Variants in MALRD1 observed in about 807,000 individuals in gnomAD.
MALRD1 encodes the protein MAM and LDL-receptor class A domain-containing protein 1.
Under a neutral mutation model 242.1 loss-of-function variants are expected in MALRD1, and 247 were observed. The ratio of observed to expected loss-of-function variants is 1.02; its 90% CI spans 0.92 to 1.13. MALRD1 has a LOEUF of 1.13. MALRD1 is among the 50% of genes most tolerant of loss of function. MALRD1 has a pLI of 0.00. For missense variants in MALRD1, 2,989 were observed against 2,533.1 expected (o/e 1.18, Z -3.86); for synonymous variants, 995 against 866.6 (o/e 1.15, Z -2.60).
intron 29 of MALRD1, among the ~76,000 whole-genome samples, chr10:19,450,817 T>G (rs1357859912): frequency 6.6e-6 from 1 of 152,170 alleles, no homozygotes; most frequent in Admixed American, 6.5e-5. Context: ...TGCTGGTTAA[T>G]AGATGGCACC....
intron 33 of MALRD1, among the ~76,000 whole-genome samples, chr10:19,579,038 C>T (rs1376508812): frequency 2.0e-5 from 3 of 152,132 alleles, no homozygotes; most frequent in Non-Finnish European, 4.4e-5. Flanking sequence ...AATAATGATA[C>T]AGTCGTATAC....
chr10:19,171,859 TATAC>T (rs1392098271), intron 13 of MALRD1, among the ~76,000 whole-genome samples: 1 of 144,872 alleles, frequency 6.9e-6, no homozygotes, highest in Non-Finnish European at 1.5e-5. Context: ...CATACATATA[TATAC>T]ATATATACAC....
intron 31 of MALRD1, among the ~76,000 whole-genome samples, chr10:19,501,210 G>T (rs1589162520): frequency 6.6e-6 from 1 of 152,074 alleles, no homozygotes; most frequent in Non-Finnish European, 1.5e-5. Flanking sequence ...TTTTTGGAAG[G>T]TGTCTCAACC....
chr10:19,696,628 C>T (rs1478551621), intron 38 of MALRD1, among the ~76,000 whole-genome samples: 1 of 151,992 alleles, frequency 6.6e-6, no homozygotes, highest in Non-Finnish European at 1.5e-5. Context: ...TATCTTGGTC[C>T]AGGCACAGTG....
intron 36 of MALRD1, 145 bp downstream of exon 36, chr10:19,616,068 G>A: frequency 1.8e-6 from 1 of 562,356 alleles, no homozygotes; most frequent in South Asian, 2.8e-5. Context: ...ACATTTATCT[G>A]TCTGAATAAG....
intron 32 of MALRD1, among the ~76,000 whole-genome samples, chr10:19,544,865 A>G (rs983189501): frequency 6.6e-6 from 1 of 152,204 alleles, no homozygotes; most frequent in Admixed American, 6.5e-5. Flanking sequence ...TGATGATAAT[A>G]TCAAGCAGTG....
Position 19,527,749 on chromosome 10 carries a change from C to T in MALRD1, c.5321-3445C>T, listed in dbSNP as rs1171352161. Reference sequence around the variant, plus strand: ...ATAGGATGAATATATTCCATACTTTCAATTAAGCCTTACTGTACATGAAAA... The same window carrying T: ...ATAGGATGAATATATTCCATACTTTTAATTAAGCCTTACTGTACATGAAAA... On this transcript the variant is annotated intron_variant, in intron 31 of 39. Coordinates refer to ENST00000454679, the MANE Select transcript of MALRD1 (RefSeq NM_001142308.3). Among the ~76,000 whole-genome samples, 7 of 152,118 alleles carry T rather than the reference C, an allele frequency of 4.6e-5. No individual in the cohort carries two copies. In the East Asian group the frequency reaches 1.3e-3, roughly 29 times the overall value.
chr10:19,305,512 C>T (rs953739628), intron 21 of MALRD1, among the ~76,000 whole-genome samples: 9 of 151,234 alleles, frequency 6.0e-5, no homozygotes, highest in African/African-American at 1.9e-4. Context: ...AAAAGTATTG[C>T]AAGTTTTCAA....
chr10:19,384,675 A>G (rs989080454), intron 26 of MALRD1, among the ~76,000 whole-genome samples: 9 of 136,416 alleles, frequency 6.6e-5, no homozygotes, highest in African/African-American at 2.4e-4. Context: ...TATATATTAT[A>G]TAATATATAG....
chr10:19,276,316 A>C (rs114155677), intron 19 of MALRD1, among the ~76,000 whole-genome samples: 13,101 of 151,950 alleles, frequency 0.086, 728 homozygotes, highest in Middle Eastern at 0.13. Context: ...ATATATTTTC[A>C]GTAAAATTAT....
chr10:19,500,215 T>A (rs1340390818), intron 31 of MALRD1, among the ~76,000 whole-genome samples: 2 of 152,212 alleles, frequency 1.3e-5, no homozygotes, highest in East Asian at 1.9e-4. Context: ...AACCTTTAAA[T>A]TGAATATTCT....
intron 36 of MALRD1, among the ~76,000 whole-genome samples, chr10:19,652,893 C>G (rs1840961047): frequency 6.6e-6 from 1 of 152,182 alleles, no homozygotes; most frequent in African/African-American, 2.4e-5. Flanking sequence ...GCTCCTGCCA[C>G]CATGCAACGT....
chr10:19,380,514 C>T (rs371397413), intron 26 of MALRD1, among the ~76,000 whole-genome samples: 1 of 152,026 alleles, frequency 6.6e-6, no homozygotes, highest in South Asian at 2.1e-4. Context: ...TTACTTTACA[C>T]ACTTTTTCTC....
intron 36 of MALRD1, among the ~76,000 whole-genome samples, chr10:19,660,312 C>T (rs1344463817): frequency 6.6e-6 from 1 of 152,162 alleles, no homozygotes; most frequent in African/African-American, 2.4e-5. Context: ...TATACAGCCA[C>T]ATCAGCACAA....
At chr10:19,714,911 C>G (rs1451811944) in intron 38 of MALRD1, among the ~76,000 whole-genome samples, 2 of 152,028 alleles carry the variant, frequency 1.3e-5, no homozygotes, top group Non-Finnish European at 2.9e-5. Context: ...ACAACAGGCC[C>G]ATAAATAGAA....
chr10:19,240,617 G>A (rs1226999408), intron 18 of MALRD1, among the ~76,000 whole-genome samples: 1 of 151,980 alleles, frequency 6.6e-6, no homozygotes, highest in Non-Finnish European at 1.5e-5. Context: ...AATAGAAGTG[G>A]TAGAAGTTGA....
At position 19,430,111 on chromosome 10, in the gene MALRD1, C is replaced by CTTTTTTTTTTTTT. The variant is rs1156254998; in HGVS notation, c.4846-20187_4846-20175dup. The stretch of plus-strand genomic sequence containing the variant: ...CTTTGCTTGGAATTTCTCCATTTTC[C>CTTTTTTTTTTTTT]TTTTTTTTTTTTTTTTTTTTTGAGA... On this transcript the variant is annotated intron_variant, in intron 28 of 39. Coordinates refer to ENST00000454679, the MANE Select transcript of MALRD1 (RefSeq NM_001142308.3). 1.4e-3 allele frequency among the ~76,000 whole-genome samples: 120 copies of CTTTTTTTTTTTTT among 83,512 alleles called. 10 individuals are homozygous for CTTTTTTTTTTTTT. Among genetic ancestry groups the CTTTTTTTTTTTTT allele is most frequent in the African/African-American group, 1.6e-3 (33 of 20,436 alleles). The allele number at this position is 83,512 out of a possible 152,430, so 54.8% of individuals were successfully genotyped here.
At chr10:19,060,803 C>T (rs1262872512) in intron 1 of MALRD1, among the ~76,000 whole-genome samples, 1 of 152,218 alleles carries the variant, frequency 6.6e-6, no homozygotes, top group African/African-American at 2.4e-5. Context: ...AGTTATCTAC[C>T]TTGAAGATTC....
At chr10:19,602,352 C>G (rs555419666) in intron 34 of MALRD1, among the ~76,000 whole-genome samples, 2 of 131,606 alleles carry the variant, frequency 1.5e-5, no homozygotes, top group African/African-American at 3.0e-5. Flanking sequence ...CCCCTCCCCC[C>G]ACCCTATGAC....
Sources: allele counts gnomAD v4.1 joint callset (sites outside exome capture counted in the v4.1 genomes callset), GRCh38; gene constraint gnomAD v4.1.1; transcripts MANE v1.5; gene names NCBI Gene and HGNC (gene_info 2026-07-23, HGNC 2026-07-21).